CAPN7: variants seen among roughly 807,000 people sequenced by gnomAD.
The protein encoded by CAPN7 is calpain 7.
CAPN7 carries 72 observed loss-of-function variants against 115.2 expected under a neutral mutation model. The ratio of observed to expected loss-of-function variants is 0.63; its 90% CI spans 0.52 to 0.76. The LOEUF (loss-of-function observed/expected upper bound fraction) is 0.76. Ranked by LOEUF, CAPN7 falls within the 30% of genes least tolerant of loss-of-function variation. The pLI is 0.00. For synonymous variants in CAPN7, 344 were observed against 322.3 expected (o/e 1.07, Z -0.72); for missense variants, 905 against 971.5 (o/e 0.93, Z 0.91).
intron 18 of CAPN7, 98 bp downstream of exon 18, chr3:15,246,892 C>A: frequency 1.0e-6 from 1 of 966,600 alleles, no homozygotes; most frequent in Non-Finnish European, 1.6e-6. Flanking sequence ...TTAGCAAAGG[C>A]TTCACAGGAA....
intron 16 of CAPN7, among the ~76,000 whole-genome samples, chr3:15,245,052 G>A (rs1043327683): frequency 6.6e-6 from 1 of 150,618 alleles, no homozygotes; most frequent in African/African-American, 2.5e-5. Context: ...TCAATAGAAG[G>A]GAATAAGATA....
rs188591265 is a variant in CAPN7 at position 15,235,552 on chromosome 3, G to T, written c.1407+407G>T. Among the ~76,000 whole-genome samples the T allele has an allele frequency of 1.5e-4, 23 of 152,228 alleles. 1 individual carries two copies. The highest frequency in any genetic ancestry group is 5.3e-4 in the African/African-American group (22 of 41,536). ...GTGGAAGACAGTTTTTCCACAGACT[G>T]GGGGGTGGGTGGGAGCATGGTTTCA... On this transcript the variant is annotated intron_variant, in intron 12 of 20. Coordinates refer to ENST00000253693, the MANE Select transcript of CAPN7 (RefSeq NM_014296.3).
intron 6 of CAPN7, among the ~76,000 whole-genome samples, 183 bp from the exon 7 acceptor site, chr3:15,227,656 G>A (rs561676017): frequency 5.5e-4 from 83 of 151,992 alleles, no homozygotes; most frequent in African/African-American, 1.9e-3. Flanking sequence ...TTTTTTAATT[G>A]GAGGGGATGA....
chr3:15,218,920 A>G (rs1218034890), intron 4 of CAPN7, among the ~76,000 whole-genome samples: 3 of 152,212 alleles, frequency 2.0e-5, no homozygotes, highest in Non-Finnish European at 2.9e-5. Flanking sequence ...CTCAGATTAT[A>G]CAGTGTGTAG....
intron 9 of CAPN7, 92 bp from the exon 10 acceptor site, chr3:15,232,424 ATTT>A: frequency 1.1e-6 from 1 of 952,342 alleles, no homozygotes; most frequent in Non-Finnish European, 1.6e-6. Context: ...TGTGCGTTAT[ATTT>A]TATCAGTATG....
chr3:15,240,911 A>C, intron 14 of CAPN7, 58 bp downstream of exon 14: 1 of 1,113,876 alleles, frequency 9.0e-7, no homozygotes, highest in Non-Finnish European at 1.4e-6. Context: ...TCCTCACTTA[A>C]AAACATAATG....
In CAPN7 at chr3:15,251,126, T is replaced by G; in HGVS notation, c.2308T>G (p.Cys770Gly). 2 of 1,606,360 alleles carry G rather than the reference T, an allele frequency of 1.2e-6. No homozygotes were observed. Among genetic ancestry groups the G allele is most frequent in the Non-Finnish European group, 1.7e-6 (2 of 1,176,612 alleles). The change falls in exon 21 of 21, where the codon TGC becomes GGC. Residue 770 changes from cysteine to glycine, a missense_variant. This residue lies in a region of CAPN7 where 620 missense variants were observed against 703.4 expected (regional missense o/e 0.88). Coordinates refer to ENST00000253693, the MANE Select transcript of CAPN7 (RefSeq NM_014296.3). Reference protein sequence around the residue: ...KSSGDYRCGFCYLELENIPSG... With the variant: ...KSSGDYRCGFGYLELENIPSG... ...TTTCTCTAAATATAGGTGTGGGTTT[T>G]GCTACCTGGAATTAGAAAATATACC...
At chr3:15,218,389 G>A in intron 3 of CAPN7, 84 bp from the exon 4 acceptor site, 1 of 931,354 alleles carries the variant, frequency 1.1e-6, no homozygotes, top group Admixed American at 1.9e-5. Context: ...AATATGCATT[G>A]TAAATTTTTT....
chr3:15,242,672 C>G (rs1278969014), intron 16 of CAPN7, among the ~76,000 whole-genome samples: 1 of 152,190 alleles, frequency 6.6e-6, no homozygotes, highest in Non-Finnish European at 1.5e-5. Flanking sequence ...ATAGTTGCTA[C>G]TCCAGAATAC....
At chr3:15,233,131 C>T (rs546081592) in intron 10 of CAPN7, among the ~76,000 whole-genome samples, 2 of 152,156 alleles carry the variant, frequency 1.3e-5, no homozygotes, top group Non-Finnish European at 2.9e-5. Context: ...CAATAACCAG[C>T]CTGTGGCCTT....
At chr3:15,241,661 C>T (rs1032372988) in intron 15 of CAPN7, 73 bp downstream of exon 15, 32 of 1,281,872 alleles carry the variant, frequency 2.5e-5, no homozygotes, top group East Asian at 4.8e-5. Context: ...GAAAGACATA[C>T]GTAAACACCA....
chr3:15,237,745 G>A (rs780032199), intron 12 of CAPN7, among the ~76,000 whole-genome samples: 12 of 152,122 alleles, frequency 7.9e-5, no homozygotes, highest in Non-Finnish European at 1.5e-4. Flanking sequence ...TGAGGCAGGA[G>A]GAATGCTTGA....
At chr3:15,221,490 G>A (rs1053934038) in intron 5 of CAPN7, among the ~76,000 whole-genome samples, 3 of 151,816 alleles carry the variant, frequency 2.0e-5, no homozygotes, top group Non-Finnish European at 4.4e-5. Context: ...ACTGTGCCCG[G>A]CTTTAGTTCC....
rs2125023762 is a variant in CAPN7, at chr3:15,251,170, C to T, written c.2352C>T (p.Ile784=). 2.5e-6 allele frequency: 4 copies of T among 1,607,148 alleles called. No homozygotes were observed. The highest frequency in any genetic ancestry group is 3.4e-6 in the Non-Finnish European group (4 of 1,174,360). The change falls in exon 21 of 21, where the codon ATC becomes ATT. Residue 784 remains isoleucine, a synonymous_variant. Transcript: ENST00000253693. ...ATATACCTTCTGGGATCTTCAATAT[C>T]ATTCCTAGTACCTTTTTGCCTAAAC... is the stretch of plus-strand genomic sequence containing the variant. ...LENIPSGIFN[I]IPSTFLPKQE...
At chr3:15,216,889 C>A (rs113311265) in intron 2 of CAPN7, among the ~76,000 whole-genome samples, 83 of 152,006 alleles carry the variant, frequency 5.5e-4, no homozygotes, top group African/African-American at 1.9e-3. Flanking sequence ...TCTCTGATGT[C>A]TATTGTGTGG....
intron 4 of CAPN7, 117 bp from the exon 5 acceptor site, chr3:15,220,664 T>A (rs564632640): frequency 3.7e-4 from 287 of 784,546 alleles, no homozygotes; most frequent in Admixed American, 8.3e-4. Context: ...GTAAGAATTT[T>A]ATATACTAAT....
At position 15,225,337 on chromosome 3, in the gene CAPN7, CATT is replaced by C. The variant is rs760421185; in HGVS notation, c.725+1777_725+1779del. Among the ~76,000 whole-genome samples, 13 of 152,156 alleles carry C rather than the reference CATT, an allele frequency of 8.5e-5. No homozygotes were observed. The East Asian group carries it at 1.2e-3, about 14-fold the overall frequency. The stretch of plus-strand genomic sequence containing the variant: ...AAAAATTCGTACGAAAGCGATTTAT[CATT>C]GTTGTTATAATTGTGAAAATGAATC... On this transcript the variant is annotated intron_variant, in intron 6 of 20. Coordinates refer to ENST00000253693, the MANE Select transcript of CAPN7 (RefSeq NM_014296.3).
At chr3:15,233,793 G>A in intron 10 of CAPN7, 74 bp from the exon 11 acceptor site, 1 of 778,122 alleles carries the variant, frequency 1.3e-6, no homozygotes, top group South Asian at 1.5e-5. Context: ...AAATCAGTGA[G>A]ATGTAATAGC....
At chr3:15,245,493 T>G (rs1181409144) in intron 16 of CAPN7, 33 bp from the exon 17 acceptor site, 1 of 1,577,332 alleles carries the variant, frequency 6.3e-7, no homozygotes, top group Non-Finnish European at 8.6e-7. Flanking sequence ...AAGAAAAGTC[T>G]CCTTTTCTCT....
Sources: allele counts gnomAD v4.1 joint callset (sites outside exome capture counted in the v4.1 genomes callset), GRCh38; gene constraint gnomAD v4.1.1; regional missense constraint gnomAD v4.1.1; transcripts MANE v1.5; gene names NCBI Gene and HGNC (gene_info 2026-07-23, HGNC 2026-07-21).